AIG1: variants seen among roughly 807,000 people sequenced by gnomAD.
AIG1 encodes the protein androgen-induced gene 1 protein.
AIG1 carries 23 observed loss-of-function variants against 31.4 expected under a neutral mutation model. The ratio of observed to expected loss-of-function variants is 0.73; its 90% CI spans 0.53 to 1.04. The LOEUF is 1.04. Ranked by LOEUF, AIG1 falls within the 50% of genes least tolerant of loss-of-function variation. The pLI is 0.00. For synonymous variants in AIG1, 100 were observed against 110.5 expected, an observed-to-expected ratio of 0.90 and a Z score of 0.60; for missense variants, 274 against 295.0, an observed-to-expected ratio of 0.93 and a Z score of 0.52.
At chr6:143,141,299 T>C (rs1430138539) in intron 2 of AIG1, among the ~76,000 whole-genome samples, 1 of 152,208 alleles carries the variant, frequency 6.6e-6, no homozygotes, top group Non-Finnish European at 1.5e-5. Context: ...CTGGGATTTG[T>C]ATTTTCTACA....
At chr6:143,103,970 A>T (rs926861204) in intron 1 of AIG1, among the ~76,000 whole-genome samples, 1 of 152,174 alleles carries the variant, frequency 6.6e-6, no homozygotes, top group African/African-American at 2.4e-5. Flanking sequence ...AAATGGAAGG[A>T]ATTGACAATG....
At chr6:143,171,442 AAT>A (rs1267362376) in intron 3 of AIG1, among the ~76,000 whole-genome samples, 6 of 83,876 alleles carry the variant, frequency 7.2e-5, no homozygotes, top group African/African-American at 2.4e-4. Context: ...ATATATATAT[AAT>A]ATATATATTT....
chr6:143,260,866 T>G (rs1795724428), intron 3 of AIG1, among the ~76,000 whole-genome samples: 1 of 152,164 alleles, frequency 6.6e-6, no homozygotes, highest in Non-Finnish European at 1.5e-5. Flanking sequence ...TGCAATTCAT[T>G]GAACAGTATA....
At chr6:143,236,669 G>A (rs1326992773) in intron 3 of AIG1, among the ~76,000 whole-genome samples, 1 of 152,182 alleles carries the variant, frequency 6.6e-6, no homozygotes. Flanking sequence ...AGTCCTTTGT[G>A]TCACCGTGCC....
At chr6:143,128,022 G>T (rs767597895) in intron 1 of AIG1, among the ~76,000 whole-genome samples, 3 of 152,122 alleles carry the variant, frequency 2.0e-5, no homozygotes, top group African/African-American at 7.2e-5. Context: ...TGAAGATGAT[G>T]TAATGGGATG....
At chr6:143,194,141 A>G (rs1278330768) in intron 3 of AIG1, among the ~76,000 whole-genome samples, 2 of 152,234 alleles carry the variant, frequency 1.3e-5, no homozygotes, top group African/African-American at 4.8e-5. Context: ...TAGATAATTT[A>G]TAAAGGAAAG....
chr6:143,168,104 CAAAT>C (rs1228623510), intron 3 of AIG1, among the ~76,000 whole-genome samples: 4 of 151,940 alleles, frequency 2.6e-5, no homozygotes, highest in African/African-American at 9.7e-5. Context: ...AATGACATTT[CAAAT>C]AAATGAGCAT....
At position 143,326,639 on chromosome 6, in the gene AIG1, T is replaced by C. The variant is rs1427309139; in HGVS notation, c.516-6643T>C. Among the ~76,000 whole-genome samples the C allele has an allele frequency of 6.6e-6, 1 of 152,204 alleles. No homozygotes were observed. Among genetic ancestry groups the C allele is most frequent in the East Asian group, 1.9e-4 (1 of 5,198 alleles). On this transcript the variant is annotated intron_variant, in intron 4 of 5. Coordinates refer to ENST00000357847, the MANE Select transcript of AIG1 (RefSeq NM_016108.4). This position sits in a 1 kb window ranked among gnomAD's most constrained non-coding sequence, Gnocchi z 4.5. ...ATGAGAGCCCTAGTTCTATAAGAACTTATAAAAATCTGTCCTAATCTGATG... is the reference window on the plus strand; with the variant it reads ...ATGAGAGCCCTAGTTCTATAAGAACCTATAAAAATCTGTCCTAATCTGATG...
chr6:143,080,961 G>T (rs1400603632), intron 1 of AIG1, among the ~76,000 whole-genome samples: 1 of 152,104 alleles, frequency 6.6e-6, no homozygotes, highest in Non-Finnish European at 1.5e-5. Context: ...CTCCTCTCAG[G>T]GACAGGTTCC....
intron 2 of AIG1, among the ~76,000 whole-genome samples, chr6:143,160,000 ATCTTT>A (rs1022015784): frequency 2.6e-5 from 4 of 152,222 alleles, no homozygotes; most frequent in African/African-American, 4.8e-5. Flanking sequence ...CAGAATTTAA[ATCTTT>A]TCCTATCAGT....
chr6:143,323,535 G>A (rs1435949385), intron 4 of AIG1, among the ~76,000 whole-genome samples: 1 of 152,150 alleles, frequency 6.6e-6, no homozygotes. Flanking sequence ...AGTTAGAGAT[G>A]ATTTCAATAT....
At chr6:143,087,554 C>T (rs562659082) in intron 1 of AIG1, among the ~76,000 whole-genome samples, 2 of 152,272 alleles carry the variant, frequency 1.3e-5, no homozygotes, top group South Asian at 2.1e-4. Flanking sequence ...AAGTCAGCGG[C>T]GGGTCTGCGA....
chr6:143,316,086 A>T (rs557205896), intron 4 of AIG1, among the ~76,000 whole-genome samples: 2 of 152,078 alleles, frequency 1.3e-5, no homozygotes, highest in Non-Finnish European at 2.9e-5. Context: ...GCAGAATAGG[A>T]GGTCTCCAGC....
At chr6:143,215,021 C>G (rs1345382583) in intron 3 of AIG1, among the ~76,000 whole-genome samples, 1 of 152,042 alleles carries the variant, frequency 6.6e-6, no homozygotes, top group Admixed American at 6.6e-5. Flanking sequence ...CTTCATTGAC[C>G]TGGGACTTCT....
At chr6:143,087,790 C>G (rs1778940955) in intron 1 of AIG1, among the ~76,000 whole-genome samples, 2 of 152,144 alleles carry the variant, frequency 1.3e-5, no homozygotes, top group Admixed American at 6.5e-5. Context: ...ATTTAGACAC[C>G]CTCCAATACT....
intron 1 of AIG1, among the ~76,000 whole-genome samples, chr6:143,102,169 C>G (rs1780337692): frequency 6.6e-6 from 1 of 151,872 alleles, no homozygotes; most frequent in Non-Finnish European, 1.5e-5. Context: ...ATATTATTCA[C>G]TATATTGATA....
downstream of AIG1, chr6:143,342,650 A>C (rs937574646): frequency 5.8e-6 from 7 of 1,210,266 alleles, no homozygotes; most frequent in South Asian, 1.2e-5. Flanking sequence ...TTTTGATGGC[A>C]TAAAAGCTGA....
chr6:143,307,104 A>T (rs2128703661), intron 4 of AIG1, among the ~76,000 whole-genome samples: 1 of 152,106 alleles, frequency 6.6e-6, no homozygotes, highest in East Asian at 1.9e-4. Context: ...ACATTCGTCT[A>T]AATTTTTTTC....
rs553276886 is a variant in AIG1, at chr6:143,188,160, A to G, written c.399+22977A>G. ...GATGAAGTTAATGGATAGAGAAAAG[A>G]TGGGAGGAAGAGGTATCTCTCTTTA... On this transcript the variant is annotated intron_variant, in intron 3 of 5. Transcript: ENST00000357847. 2.4e-4 allele frequency: 244 copies of G among 1,000,008 alleles called. 1 individual carries two copies. The African/African-American group carries it at 4.0e-3, about 16-fold the overall frequency. The allele number at this position is 1,000,008 out of a possible 1,614,324, so 61.9% of individuals were successfully genotyped here.
Sources: gnomAD v4.1 joint callset for allele counts (sites outside exome capture counted in the v4.1 genomes callset) on GRCh38, gnomAD v4.1.1 for gene constraint, Gnocchi (gnomAD v3.1) non-coding constraint, MANE v1.5 for transcripts, NCBI Gene and HGNC (gene_info 2026-07-23, HGNC 2026-07-21) for gene names.